SCIN: variants seen among roughly 807,000 people sequenced by gnomAD.
SCIN encodes adseverin.
SCIN carries 91 observed loss-of-function variants against 91.8 expected under a neutral mutation model. That is an observed-to-expected ratio of 0.99 (90% confidence interval 0.84 to 1.18). SCIN has a LOEUF of 1.18. Among genes scored for constraint, SCIN ranks in the 50% most tolerant of loss-of-function variants. The pLI, the probability that SCIN is intolerant of heterozygous loss-of-function variation, is 0.00. For synonymous variants in SCIN, 367 were observed against 312.6 expected (o/e 1.17, Z -1.84); for missense variants, 1,087 against 863.9 (o/e 1.26, Z -3.24).
intron 3 of SCIN, among the ~76,000 whole-genome samples, chr7:12,602,167 C>T: frequency 6.6e-6 from 1 of 152,142 alleles, no homozygotes; most frequent in Non-Finnish European, 1.5e-5. Context: ...AACTGGGCCT[C>T]CAGGGGTGAC....
intron 4 of SCIN, 120 bp downstream of exon 4, chr7:12,604,783 G>T: frequency 1.3e-6 from 1 of 765,376 alleles, no homozygotes; most frequent in Non-Finnish European, 2.0e-6. Context: ...TTCAACACAT[G>T]TTTCAATAGT....
chr7:12,617,860 C>T (rs919178048), intron 4 of SCIN, among the ~76,000 whole-genome samples: 3 of 152,116 alleles, frequency 2.0e-5, no homozygotes, highest in African/African-American at 7.2e-5. Context: ...CCAGATGGTT[C>T]TAATATGCAG....
rs139354834 is a variant in SCIN, at chr7:12,589,784, G to C, written c.516+8563G>C. ...TGTTGGCAGAGGAGATAGCTCATGA[G>C]GGAGACTGTTGGGAGGTATTCTCCT... On this transcript the variant is annotated intron_variant, in intron 3 of 15. Coordinates refer to ENST00000297029, the MANE Select transcript of SCIN (RefSeq NM_001112706.3). Among the ~76,000 whole-genome samples, 500 of 152,254 alleles carry C rather than the reference G, an allele frequency of 3.3e-3. 2 individuals are homozygous for C. Among genetic ancestry groups the C allele is most frequent in the African/African-American group, 0.011 (468 of 41,562 alleles).
chr7:12,605,311 A>C (rs867638369), intron 4 of SCIN, among the ~76,000 whole-genome samples: 1 of 152,136 alleles, frequency 6.6e-6, no homozygotes, highest in African/African-American at 2.4e-5. Flanking sequence ...GGCCTCCCAA[A>C]GTGCTGGGAT....
intron 3 of SCIN, among the ~76,000 whole-genome samples, chr7:12,587,893 A>T (rs1221591081): frequency 6.6e-6 from 1 of 152,010 alleles, no homozygotes; most frequent in Non-Finnish European, 1.5e-5. Context: ...TGCAAGATAC[A>T]CTCCAGCCCC....
At chr7:12,631,193 T>A (rs1175488182) in intron 9 of SCIN, among the ~76,000 whole-genome samples, 3 of 152,244 alleles carry the variant, frequency 2.0e-5, no homozygotes, top group Admixed American at 1.3e-4. Flanking sequence ...AGTAGCTATT[T>A]CTTGTATCAT....
At chr7:12,635,438 C>A (rs1408454474) in intron 9 of SCIN, among the ~76,000 whole-genome samples, 1 of 150,490 alleles carries the variant, frequency 6.6e-6, no homozygotes, top group African/African-American at 2.4e-5. Flanking sequence ...AGTGACACCC[C>A]CATCTCTACT....
At chr7:12,602,994 T>G (rs1413752581) in intron 3 of SCIN, among the ~76,000 whole-genome samples, 2 of 152,204 alleles carry the variant, frequency 1.3e-5, no homozygotes, top group Non-Finnish European at 2.9e-5. Context: ...CATGAAATCT[T>G]CACATTTATG....
intron 11 of SCIN, among the ~76,000 whole-genome samples, chr7:12,641,995 AT>A (rs1013026489): frequency 1.8e-4 from 27 of 151,808 alleles, no homozygotes; most frequent in Non-Finnish European, 3.7e-4. Flanking sequence ...ATTTTTATTT[AT>A]TTTTTAAGTT....
At chr7:12,601,099 A>T (rs1255941410) in intron 3 of SCIN, among the ~76,000 whole-genome samples, 1 of 152,172 alleles carries the variant, frequency 6.6e-6, no homozygotes, top group Non-Finnish European at 1.5e-5. Flanking sequence ...AGAGAAGGAG[A>T]TTGCTAGACG....
intron 10 of SCIN, among the ~76,000 whole-genome samples, chr7:12,639,814 T>C (rs1490253152): frequency 6.6e-6 from 1 of 152,206 alleles, no homozygotes; most frequent in Non-Finnish European, 1.5e-5. Flanking sequence ...TGTGTGTGTG[T>C]AATTTTTTTA....
chr7:12,614,866 G>T (rs1432079584), intron 4 of SCIN, among the ~76,000 whole-genome samples: 1 of 152,186 alleles, frequency 6.6e-6, no homozygotes, highest in African/African-American at 2.4e-5. Flanking sequence ...ACCATGTAGA[G>T]AGCAGAAGAC....
In SCIN at chr7:12,572,715, A is replaced by G. The variant is rs1043485330; in HGVS notation, c.199+1730A>G. Reference sequence around the variant, plus strand: ...CTTAATTATCCACTTGATGCCCATAAATTTCAAAAATATAATAGAAAATGG... The same window carrying G: ...CTTAATTATCCACTTGATGCCCATAGATTTCAAAAATATAATAGAAAATGG... On this transcript the variant is annotated intron_variant, in intron 1 of 15. Coordinates refer to ENST00000297029, the MANE Select transcript of SCIN (RefSeq NM_001112706.3). 6.6e-5 allele frequency among the ~76,000 whole-genome samples: 10 copies of G among 152,202 alleles called. No individual in the cohort carries two copies. In the East Asian group the frequency reaches 1.5e-3, roughly 23 times the overall value.
intron 3 of SCIN, among the ~76,000 whole-genome samples, chr7:12,581,558 A>G (rs1307668295): frequency 2.0e-5 from 3 of 152,126 alleles, no homozygotes; most frequent in Admixed American, 6.6e-5. Context: ...TGAGGGGGAA[A>G]CTGGTTCCCC....
intron 5 of SCIN, 24 bp downstream of exon 5, chr7:12,622,917 A>G (rs1252071656): frequency 1.3e-6 from 2 of 1,564,128 alleles, no homozygotes; most frequent in African/African-American, 1.4e-5. Context: ...AACCAAATTT[A>G]TTGTTTCAAC....
At chr7:12,584,308 A>G (rs1044438512) in intron 3 of SCIN, among the ~76,000 whole-genome samples, 2 of 152,232 alleles carry the variant, frequency 1.3e-5, no homozygotes, top group African/African-American at 2.4e-5. Flanking sequence ...TCAAGTTTGT[A>G]TTATGACCCA....
intron 11 of SCIN, among the ~76,000 whole-genome samples, chr7:12,642,820 C>T (rs556607618): frequency 1.3e-5 from 2 of 151,902 alleles, no homozygotes; most frequent in Non-Finnish European, 2.9e-5. Flanking sequence ...GGCTAGTTTG[C>T]TGCGTTTTCC....
chr7:12,596,231 C>G, intron 3 of SCIN: 1 of 400,788 alleles, frequency 2.5e-6, no homozygotes, highest in Non-Finnish European at 5.0e-6. Flanking sequence ...TCTAGGAAGT[C>G]GTACACATGC....
chr7:12,633,839 C>T (rs76452224), intron 9 of SCIN, among the ~76,000 whole-genome samples: 6,167 of 152,248 alleles, frequency 0.041, 138 homozygotes, highest in Middle Eastern at 0.075. Flanking sequence ...CCAGTGCACA[C>T]AGATGTGTTG....
Sources: gnomAD v4.1 joint callset for allele counts (sites outside exome capture counted in the v4.1 genomes callset) on GRCh38, gnomAD v4.1.1 for gene constraint, MANE v1.5 for transcripts, NCBI Gene and HGNC (gene_info 2026-07-23, HGNC 2026-07-21) for gene names.